Variants in RBFOX1 observed in about 807,000 individuals in gnomAD.
RBFOX1 encodes the protein RNA binding fox-1 homolog 1.
In RBFOX1, 8 loss-of-function variants were observed where a neutral mutation model predicts 57.7. The observed-to-expected ratio is 0.14, with a 90% CI of 0.08 to 0.25. The LOEUF is 0.25. RBFOX1 is among the 10% of genes least tolerant of loss of function. The probability of loss-of-function intolerance (pLI) is 1.00; values close to 1 mark genes in which losing one functional copy is unlikely to be tolerated. For missense variants in RBFOX1, 611 were observed against 548.5 expected (o/e 1.11, Z -1.14); for synonymous variants, 326 against 222.4 (o/e 1.47, Z -4.15).
chr16:6,503,354 A>G (rs1309165446), intron 2 of RBFOX1, among the ~76,000 whole-genome samples: 2 of 152,106 alleles, frequency 1.3e-5, no homozygotes, highest in African/African-American at 4.8e-5. Flanking sequence ...GAGTCATAGC[A>G]CTCTTGTTCT....
intron 2 of RBFOX1, among the ~76,000 whole-genome samples, chr16:6,475,989 G>T (rs1185042913): frequency 6.6e-6 from 1 of 152,084 alleles, no homozygotes; most frequent in East Asian, 1.9e-4. Flanking sequence ...TTCCAGAAAT[G>T]TTAGGTGGGC....
At chr16:7,136,017 A>G (rs1019521457) in intron 4 of RBFOX1, among the ~76,000 whole-genome samples, 1 of 152,256 alleles carries the variant, frequency 6.6e-6, no homozygotes, top group African/African-American at 2.4e-5. Flanking sequence ...AGTGCTGCTC[A>G]TTGAAGCCTG....
At chr16:6,757,165 G>A (rs1369619755) in intron 3 of RBFOX1, among the ~76,000 whole-genome samples, 1 of 152,148 alleles carries the variant, frequency 6.6e-6, no homozygotes, top group Non-Finnish European at 1.5e-5. Context: ...GCAAGGATGT[G>A]GAGAAAAGGG....
intron 1 of RBFOX1, among the ~76,000 whole-genome samples, chr16:6,253,105 C>A: frequency 6.6e-6 from 1 of 152,152 alleles, no homozygotes; most frequent in East Asian, 1.9e-4. Context: ...GTATCTCTAT[C>A]TATCTCTATC....
intron 4 of RBFOX1, among the ~76,000 whole-genome samples, chr16:7,289,650 C>T (rs1290470345): frequency 3.3e-5 from 5 of 152,290 alleles, no homozygotes; most frequent in Admixed American, 3.3e-4. Flanking sequence ...TCATCATCAG[C>T]ATCACCACCC....
chr16:7,101,475 A>T (rs1453998341), intron 4 of RBFOX1, among the ~76,000 whole-genome samples: 1 of 152,166 alleles, frequency 6.6e-6, no homozygotes, highest in Admixed American at 6.5e-5. Flanking sequence ...AGAATTTTAG[A>T]AGGAAGAAAC....
At chr16:7,219,973 C>T (rs1022526726) in intron 4 of RBFOX1, among the ~76,000 whole-genome samples, 2 of 152,180 alleles carry the variant, frequency 1.3e-5, no homozygotes, top group Admixed American at 1.3e-4. Context: ...CCAATTGAAT[C>T]TGAGTTCAGT....
chr16:6,818,025 T>C (rs145495339), intron 3 of RBFOX1, among the ~76,000 whole-genome samples: 105 of 152,270 alleles, frequency 6.9e-4, no homozygotes, highest in Non-Finnish European at 8.7e-4. Context: ...GGCTAAACTT[T>C]TTGTGTCTGC....
chr16:7,066,067 A>C (rs2055948039), intron 4 of RBFOX1, among the ~76,000 whole-genome samples: 1 of 152,342 alleles, frequency 6.6e-6, no homozygotes, highest in East Asian at 1.9e-4. Flanking sequence ...GCAAACATCT[A>C]AGTCACTTCA....
At chr16:7,457,045 G>A (rs570100370) in intron 4 of RBFOX1, among the ~76,000 whole-genome samples, 22 of 152,088 alleles carry the variant, frequency 1.4e-4, no homozygotes, top group East Asian at 5.8e-4. Flanking sequence ...GCACCACCAC[G>A]CCCGGCTAAT....
chr16:5,939,802 C>G (rs1476535112), intron 4 of RBFOX1, among the ~76,000 whole-genome samples: 1 of 152,032 alleles, frequency 6.6e-6, no homozygotes, highest in Non-Finnish European at 1.5e-5. Flanking sequence ...GAGATTTTTT[C>G]ATAAAGCCAC....
chr16:6,899,683 A>T (rs1210072528), intron 3 of RBFOX1, among the ~76,000 whole-genome samples: 1 of 152,206 alleles, frequency 6.6e-6, no homozygotes, highest in African/African-American at 2.4e-5. Context: ...AATTGGAATT[A>T]TCTCTACAGA....
chr16:6,203,525 T>C (rs1018220682), intron 1 of RBFOX1, among the ~76,000 whole-genome samples: 1 of 152,160 alleles, frequency 6.6e-6, no homozygotes, highest in African/African-American at 2.4e-5. Context: ...TTGGCTATTG[T>C]GAATAGCGGT....
intron 1 of RBFOX1, among the ~76,000 whole-genome samples, chr16:5,433,865 G>T (rs1479680499): frequency 1.3e-5 from 2 of 152,284 alleles, no homozygotes; most frequent in East Asian, 3.9e-4. Context: ...ATGGATGGAT[G>T]GAAAACGTAG....
chr16:7,425,151 G>GA (rs1331123036), intron 4 of RBFOX1, among the ~76,000 whole-genome samples: 7 of 152,036 alleles, frequency 4.6e-5, no homozygotes, highest in Non-Finnish European at 8.8e-5. Flanking sequence ...GACATTTAGA[G>GA]AAAAAAATGT....
chr16:5,517,132 A>G (rs1029343609), intron 2 of RBFOX1, among the ~76,000 whole-genome samples: 1 of 152,142 alleles, frequency 6.6e-6, no homozygotes, highest in Non-Finnish European at 1.5e-5. Context: ...ATGGTCAGAA[A>G]GAGGATGCTG....
chr16:7,395,320 C>G (rs1383964710), intron 4 of RBFOX1, among the ~76,000 whole-genome samples: 1 of 152,230 alleles, frequency 6.6e-6, no homozygotes, highest in Admixed American at 6.5e-5. Flanking sequence ...GAAGTCATCA[C>G]TTTACTTAGA....
intron 3 of RBFOX1, among the ~76,000 whole-genome samples, chr16:5,858,936 C>A (rs907413847): frequency 6.6e-6 from 1 of 152,116 alleles, no homozygotes; most frequent in Non-Finnish European, 1.5e-5. Flanking sequence ...CCTTTGGGGC[C>A]GGGTCTGGTG....
At chr16:7,278,519 G>C (rs2095483513) in intron 4 of RBFOX1, among the ~76,000 whole-genome samples, 1 of 152,140 alleles carries the variant, frequency 6.6e-6, no homozygotes, top group African/African-American at 2.4e-5. Context: ...TTTTAAGAAA[G>C]TGTATTCATC....
Sources: gnomAD v4.1 joint callset for allele counts (sites outside exome capture counted in the v4.1 genomes callset) on GRCh38, gnomAD v4.1.1 for gene constraint, MANE v1.5 for transcripts, NCBI Gene and HGNC (gene_info 2026-07-23, HGNC 2026-07-21) for gene names.